Variants in GPR157 observed in about 807,000 individuals in gnomAD.
GPR157 encodes G-protein coupled receptor 157.
Under a neutral mutation model 23.5 loss-of-function variants are expected in GPR157, and 16 were observed. The ratio of observed to expected loss-of-function variants is 0.68; its 90% CI spans 0.46 to 1.04. GPR157 has a LOEUF of 1.04. Among genes scored for constraint, GPR157 ranks in the 50% least tolerant of loss-of-function variants. GPR157 has a pLI of 0.00. For synonymous variants in GPR157, 200 were observed against 221.5 expected, an observed-to-expected ratio of 0.90 and a Z score of 0.86; for missense variants, 440 against 460.7, an observed-to-expected ratio of 0.96 and a Z score of 0.41.
Position 9,105,351 on chromosome 1 carries a change from G to T in GPR157, c.792+135C>A. 1 of 747,364 alleles carries T rather than the reference G, an allele frequency of 1.3e-6. No homozygotes were observed. Among genetic ancestry groups the T allele is most frequent in the Non-Finnish European group, 2.2e-6 (1 of 465,066 alleles). 46.3% of individuals were successfully genotyped at this position (747,364 alleles called of 1,614,324 possible). ...TGTCTCAGGCAGAGAGGAAGGCACA[G>T]CACAGTGGGGCCGAGCTCCTCCCTG... is the stretch of plus-strand genomic sequence containing the variant. On this transcript the variant is annotated intron_variant, in intron 3 of 3. Coordinates refer to ENST00000377411, the MANE Select transcript of GPR157 (RefSeq NM_024980.5). The surrounding 1 kb of genome is among the most constrained non-coding windows in gnomAD (Gnocchi z 4.8).
At chr1:9,104,685 A>G (rs756321028) in intron 3 of GPR157, 51 bp from the exon 4 acceptor site, 1 of 1,358,760 alleles carries the variant, frequency 7.4e-7, no homozygotes, top group Non-Finnish European at 1.0e-6. Context: ...GGTCTCAGAA[A>G]CACACGCGCT....
Position 9,113,465 on chromosome 1 carries a change from C to T in GPR157, c.384-1976G>A, listed in dbSNP as rs142513479. Among the ~76,000 whole-genome samples, 245 of 152,276 alleles carry T rather than the reference C, an allele frequency of 1.6e-3. 1 individual carries two copies. The highest frequency in any genetic ancestry group is 5.3e-3 in the African/African-American group (222 of 41,560). On this transcript the variant is annotated intron_variant, in intron 1 of 3. Coordinates refer to ENST00000377411, the MANE Select transcript of GPR157 (RefSeq NM_024980.5). ...GTCAGTTCCCTGGGACTGGGAAGGC[C>T]TCATGCAGGATGCTTCCAGAACAGA...
intron 1 of GPR157, 66 bp from the exon 2 acceptor site, chr1:9,111,555 C>CA: frequency 1.5e-6 from 2 of 1,346,854 alleles, no homozygotes; most frequent in East Asian, 2.3e-5. Context: ...TCAGCCTTCG[C>CA]AAAAATGACG....
At chr1:9,110,130 C>G (rs1011293040) in intron 2 of GPR157, among the ~76,000 whole-genome samples, 2 of 152,242 alleles carry the variant, frequency 1.3e-5, no homozygotes, top group Admixed American at 6.5e-5. Context: ...GTTACTTGCA[C>G]TTCTGCCTCT....
At position 9,128,399 on chromosome 1, in the gene GPR157, C is replaced by T. The variant is rs1479667002; in HGVS notation, c.383+246G>A. ...AACAGGGCCCGGCTCTGGGGGCGAA[C>T]TCTGTCCCCACTACCCCAAGGGGCT... is the stretch of plus-strand genomic sequence containing the variant. On this transcript the variant is annotated intron_variant, in intron 1 of 3. Coordinates refer to ENST00000377411, the MANE Select transcript of GPR157 (RefSeq NM_024980.5). The surrounding 1 kb of genome is among the most constrained non-coding windows in gnomAD (Gnocchi z 6.3). The T allele has an allele frequency of 1.6e-5, 11 of 693,840 alleles. No homozygotes were observed. In the East Asian group the frequency reaches 2.7e-4, roughly 17 times the overall value. 43.0% of individuals were successfully genotyped at this position (693,840 alleles called of 1,614,324 possible). A position where few individuals can be genotyped will look rare whatever the true frequency, so the allele number is the denominator to read the frequency against.
chr1:9,111,321 C>T lies in GPR157; in HGVS notation c.552G>A (p.Leu184=). 1 of 1,614,246 alleles carries T rather than the reference C, an allele frequency of 6.2e-7. No individual in the cohort carries two copies. Among genetic ancestry groups the T allele is most frequent in the Non-Finnish European group, 8.5e-7 (1 of 1,180,040 alleles). Residue 184 remains leucine (L), a synonymous_variant, in exon 2 of 4, where the codon CTG becomes CTA. Coordinates refer to ENST00000377411, the MANE Select transcript of GPR157 (RefSeq NM_024980.5). Reference sequence around the variant, plus strand: ...GGACCAGGAGGTACAGCAGAGGCAGCAGCACATATGCCAGCATCTCCCACA... The same window carrying T: ...GGACCAGGAGGTACAGCAGAGGCAGTAGCACATATGCCAGCATCTCCCACA... The part of the protein sequence containing the change: ...GKLWEMLAYV[L]LPLLYLLVRK...
At chr1:9,116,891 G>A (rs1349484310) in intron 1 of GPR157, among the ~76,000 whole-genome samples, 1 of 152,016 alleles carries the variant, frequency 6.6e-6, no homozygotes, top group Non-Finnish European at 1.5e-5. Flanking sequence ...ACAGACACAT[G>A]CTACCATGCC....
chr1:9,123,944 T>C (rs1404714236), intron 1 of GPR157, among the ~76,000 whole-genome samples: 4 of 151,254 alleles, frequency 2.6e-5, no homozygotes, highest in Non-Finnish European at 4.4e-5. Context: ...TCCTCTCATC[T>C]CAGCCTCCTG....
At chr1:9,123,075 G>C (rs1389208119) in intron 1 of GPR157, among the ~76,000 whole-genome samples, 1 of 149,872 alleles carries the variant, frequency 6.7e-6, no homozygotes, top group African/African-American at 2.5e-5. Context: ...AGAGTCACTT[G>C]AACACGGGAG....
At position 9,112,503 on chromosome 1, in the gene GPR157, A is replaced by G. The variant is rs530572047; in HGVS notation, c.384-1014T>C. 1.2e-3 allele frequency among the ~76,000 whole-genome samples: 176 copies of G among 152,296 alleles called. 2 individuals are homozygous for G. Among genetic ancestry groups the G allele is most frequent in the African/African-American group, 4.1e-3 (171 of 41,566 alleles). The stretch of plus-strand genomic sequence containing the variant: ...AGTCTCGCTCTGTCACCCAGGCTGG[A>G]GTGCAGTGGCACAATCTCAGCTCAT... On this transcript the variant is annotated intron_variant, in intron 1 of 3. Transcript: ENST00000377411.
rs199973020 is a variant in GPR157 at position 9,105,034 on chromosome 1, AACACACACACAC to A, written c.793-412_793-401del. On this transcript the variant is annotated intron_variant, in intron 3 of 3. Transcript: ENST00000377411. This position sits in a 1 kb window ranked among gnomAD's most constrained non-coding sequence, Gnocchi z 4.8. Reference sequence around the variant, plus strand: ...CCCCAAAAAAGAGAAATGGCTGAGAAACACACACACACACACACACACACACACACACACATG... The same window carrying A: ...CCCCAAAAAAGAGAAATGGCTGAGAAACACACACACACACACACACACATG... 1.3e-3 allele frequency among the ~76,000 whole-genome samples: 147 copies of A among 117,052 alleles called. No homozygotes were observed. The highest frequency in any genetic ancestry group is 3.9e-3 in the African/African-American group (116 of 29,872). The allele number at this position is 117,052 out of a possible 152,430, so 76.8% of individuals were successfully genotyped here.
In GPR157 at chr1:9,128,464, A is replaced by G. The variant is rs921449753; in HGVS notation, c.383+181T>C. 3 of 686,702 alleles carry G rather than the reference A, an allele frequency of 4.4e-6. No individual in the cohort carries two copies. Among genetic ancestry groups the G allele is most frequent in the Non-Finnish European group, 5.2e-6 (2 of 384,168 alleles). 42.5% of individuals were successfully genotyped at this position (686,702 alleles called of 1,614,324 possible). ...GCACAGCGGGGCTCCTTCGGGAGGGAGCGAATCTCGGGCAAGGCTGGCCTC... is the reference window on the plus strand; with the variant it reads ...GCACAGCGGGGCTCCTTCGGGAGGGGGCGAATCTCGGGCAAGGCTGGCCTC... On this transcript the variant is annotated intron_variant, in intron 1 of 3. Transcript: ENST00000377411. The surrounding 1 kb of genome is among the most constrained non-coding windows in gnomAD (Gnocchi z 6.3).
intron 1 of GPR157, among the ~76,000 whole-genome samples, chr1:9,112,159 G>A (rs1433895454): frequency 6.6e-6 from 1 of 152,218 alleles, no homozygotes; most frequent in Admixed American, 6.5e-5. Flanking sequence ...GGGCACCAGC[G>A]TGCGAACACC....
At chr1:9,123,287 AATT>A (rs1329215641) in intron 1 of GPR157, among the ~76,000 whole-genome samples, 79 of 28,348 alleles carry the variant, frequency 2.8e-3, no homozygotes, top group Non-Finnish European at 5.6e-3. Context: ...TATATATTTA[AATT>A]AATATATATT....
In GPR157 at chr1:9,120,070, G is replaced by T. The variant is rs1046920724; in HGVS notation, c.383+8575C>A. On this transcript the variant is annotated intron_variant, in intron 1 of 3. Coordinates refer to ENST00000377411, the MANE Select transcript of GPR157 (RefSeq NM_024980.5). This position sits in a 1 kb window ranked among gnomAD's most constrained non-coding sequence, Gnocchi z 4.1. Reference sequence around the variant, plus strand: ...AACCTGTCCCCACCAGAGTCAGGGTGGGGGCACCTGCAGACAGGGAGACAC... The same window carrying T: ...AACCTGTCCCCACCAGAGTCAGGGTTGGGGCACCTGCAGACAGGGAGACAC... Among the ~76,000 whole-genome samples, 1 of 152,126 alleles carries T rather than the reference G, an allele frequency of 6.6e-6. No individual in the cohort carries two copies. The highest frequency in any genetic ancestry group is 2.4e-5 in the African/African-American group (1 of 41,390).
At chr1:9,110,897 A>AATTCCTC (rs1253045248) in intron 2 of GPR157, among the ~76,000 whole-genome samples, 2 of 152,114 alleles carry the variant, frequency 1.3e-5, no homozygotes, top group South Asian at 4.1e-4. Flanking sequence ...CTTTTAGCTA[A>AATTCCTC]ATTCCTCAAG....
chr1:9,116,207 AAT>A (rs1557697866), intron 1 of GPR157, among the ~76,000 whole-genome samples: 1 of 74 alleles, frequency 0.014, no homozygotes, highest in Non-Finnish European at 0.017. Flanking sequence ...TTATATATAT[AAT>A]TATATATATA....
At chr1:9,125,320 C>T (rs1638942480) in intron 1 of GPR157, among the ~76,000 whole-genome samples, 2 of 152,008 alleles carry the variant, frequency 1.3e-5, no homozygotes, top group South Asian at 4.2e-4. Context: ...CTGAAGTGAT[C>T]CTCCTGCCTC....
At chr1:9,113,659 A>G (rs142085275) in intron 1 of GPR157, among the ~76,000 whole-genome samples, 1 of 152,164 alleles carries the variant, frequency 6.6e-6, no homozygotes, top group East Asian at 1.9e-4. Context: ...AAAGACCACA[A>G]AAGGCCAGGC....
Sources: allele counts gnomAD v4.1 joint callset (sites outside exome capture counted in the v4.1 genomes callset), GRCh38; gene constraint gnomAD v4.1.1; non-coding constraint Gnocchi (gnomAD v3.1); transcripts MANE v1.5; gene names NCBI Gene and HGNC (gene_info 2026-07-23, HGNC 2026-07-21).